Variants in IPO9 observed in about 807,000 individuals in gnomAD.
The protein encoded by IPO9 is importin-9.
A neutral mutation model predicts 128.6 loss-of-function variants in IPO9; 28 were observed. The ratio of observed to expected loss-of-function variants is 0.22; its 90% CI spans 0.16 to 0.30. The LOEUF is 0.30. IPO9 is among the 10% of genes least tolerant of loss of function. IPO9 has a pLI of 1.00. For synonymous variants in IPO9, 455 were observed against 475.8 expected (o/e 0.96, Z 0.57); for missense variants, 935 against 1,293.9 (o/e 0.72, Z 4.26).
chr1:201,856,451 T>C (rs997305355), intron 10 of IPO9, among the ~76,000 whole-genome samples: 1 of 152,116 alleles, frequency 6.6e-6, no homozygotes, highest in African/African-American at 2.4e-5. Flanking sequence ...GCACAAGAAT[T>C]GACATAATTT....
Position 201,880,073 on chromosome 1 carries a change from TGTG to T in IPO9, c.*4023_*4025del, listed in dbSNP as rs1680857189. ...AGTTTATTATGCCAGGAGGGCCAGG[TGTG>T]GTGCCACACCCATGTAATCCCAGCA... is the stretch of plus-strand genomic sequence containing the variant. On this transcript the variant is annotated 3_prime_UTR_variant, in exon 24 of 24. Transcript: ENST00000361565. 1 of 152,152 alleles carries T rather than the reference TGTG, an allele frequency of 6.6e-6. No individual in the cohort carries two copies. Among genetic ancestry groups the T allele is most frequent in the African/African-American group, 2.4e-5 (1 of 41,408 alleles). 9.4% of individuals were successfully genotyped at this position (152,152 alleles called of 1,614,324 possible). A position where few individuals can be genotyped will look rare whatever the true frequency, so the allele number is the denominator to read the frequency against.
At chr1:201,830,336 C>A (rs1030880732) in intron 1 of IPO9, among the ~76,000 whole-genome samples, 2 of 152,208 alleles carry the variant, frequency 1.3e-5, no homozygotes, top group African/African-American at 4.8e-5. Flanking sequence ...CCATCACACA[C>A]CCATCATATT....
intron 12 of IPO9, 96 bp downstream of exon 12, chr1:201,858,649 C>A: frequency 1.1e-6 from 1 of 889,300 alleles, no homozygotes. Context: ...ATTTGAAAAT[C>A]TGGTTTTAAT....
intron 18 of IPO9, 100 bp from the exon 19 acceptor site, chr1:201,871,061 C>G (rs1188645554): frequency 7.7e-7 from 1 of 1,301,342 alleles, no homozygotes; most frequent in East Asian, 2.3e-5. Flanking sequence ...ATAATACCCT[C>G]AGTGTAGACT....
At chr1:201,833,977 G>A (rs1026860077) in intron 1 of IPO9, among the ~76,000 whole-genome samples, 1 of 151,812 alleles carries the variant, frequency 6.6e-6, no homozygotes, top group Non-Finnish European at 1.5e-5. Flanking sequence ...TCTGGAGATG[G>A]GGTCTTGCTG....
Position 201,834,492 on chromosome 1 carries a change from T to A in IPO9, c.163+5120T>A, listed in dbSNP as rs965251114. Among the ~76,000 whole-genome samples, 6 of 152,172 alleles carry A rather than the reference T, an allele frequency of 3.9e-5. No individual in the cohort carries two copies. In the South Asian group the frequency reaches 8.3e-4, roughly 21 times the overall value. On this transcript the variant is annotated intron_variant, in intron 1 of 23. Transcript: ENST00000361565. ...GGTGTATTCGTGCTTTATTTTTTTATATCTTAAAATGAAGTTCTTTCCCTC... is the reference window on the plus strand; with the variant it reads ...GGTGTATTCGTGCTTTATTTTTTTAAATCTTAAAATGAAGTTCTTTCCCTC...
At chr1:201,834,207 C>CTTTTTTT in intron 1 of IPO9, among the ~76,000 whole-genome samples, 1 of 111,290 alleles carries the variant, frequency 9.0e-6, no homozygotes, top group Non-Finnish European at 2.0e-5. Context: ...CTTTTCTTTT[C>CTTTTTTT]TTTTTTTTTT....
chr1:201,829,261 G>A lies in IPO9; in HGVS notation c.52G>A (p.Ala18Thr). 1 of 1,592,898 alleles carries A rather than the reference G, an allele frequency of 6.3e-7. No individual in the cohort carries two copies. Residue 18 changes from alanine to threonine, a missense_variant, in exon 1 of 24, where the codon GCA becomes ACA. Ala to Thr is a moderately conservative substitution (Grantham distance 58). Transcript: ENST00000361565. ...GAASGLPGPVAQGLKEALVDT... is the reference protein window; with the variant it reads ...GAASGLPGPVTQGLKEALVDT... ...GGCCTCCGGGCTGCCGGGTCCAGTG[G>A]CACAAGGATTAAAGGAAGCGTTAGT...
Position 201,857,115 on chromosome 1 carries a change from A to G in IPO9, c.1142A>G (p.Asn381Ser). ...TTTCAGATTAAAGTATGGACAGCCA[A>G]CCCCCAACAATTTGTAGAAGATGAA... ...TEEQIKVWTA[N>S]PQQFVEDEDD... Residue 381 changes from asparagine to serine, a missense_variant, in exon 11 of 24, where the codon AAC becomes AGC. Asn to Ser is a conservative substitution (Grantham distance 46, BLOSUM62 1). This residue lies in a region of IPO9 where 741 missense variants were observed against 1,019.1 expected (regional missense o/e 0.73). Coordinates refer to ENST00000361565, the MANE Select transcript of IPO9 (RefSeq NM_018085.5). The G allele has an allele frequency of 1.2e-6, 2 of 1,611,226 alleles. No homozygotes were observed. The highest frequency in any genetic ancestry group is 1.7e-4 in the Middle Eastern group (1 of 6,052).
At chr1:201,859,413 A>G (rs773701498) in intron 13 of IPO9, among the ~76,000 whole-genome samples, 1 of 151,724 alleles carries the variant, frequency 6.6e-6, no homozygotes, top group South Asian at 2.1e-4. Flanking sequence ...CGTGATGTTT[A>G]TGTTTCTTCC....
intron 15 of IPO9, 103 bp downstream of exon 15, chr1:201,867,062 T>A (rs1272139916): frequency 1.0e-6 from 1 of 962,244 alleles, no homozygotes; most frequent in Non-Finnish European, 1.6e-6. Context: ...GCTATGAAGC[T>A]ATGGTTTTAA....
At chr1:201,859,402 C>T (rs1680398660) in intron 13 of IPO9, among the ~76,000 whole-genome samples, 1 of 151,782 alleles carries the variant, frequency 6.6e-6, no homozygotes. Flanking sequence ...CATAATTCTT[C>T]CGTGATGTTT....
Position 201,883,657 on chromosome 1 carries a change from C to T in IPO9, c.*7603C>T, listed in dbSNP as rs1337518823. ...CTCAATGTTTTGCACTGTGTGAGAC[C>T]CCAGGACCTTTTCGTGATTCTGGAG... On this transcript the variant is annotated 3_prime_UTR_variant, in exon 24 of 24. Transcript: ENST00000361565. 1 of 152,052 alleles carries T rather than the reference C, an allele frequency of 6.6e-6. No homozygotes were observed. Among genetic ancestry groups the T allele is most frequent in the Non-Finnish European group, 1.5e-5 (1 of 68,046 alleles). The allele number at this position is 152,052 out of a possible 1,614,324, so 9.4% of individuals were successfully genotyped here.
chr1:201,847,674 T>C (rs752146968), intron 3 of IPO9, 36 bp downstream of exon 3: 13 of 1,386,508 alleles, frequency 9.4e-6, no homozygotes, highest in Non-Finnish European at 1.3e-5. Flanking sequence ...CCTGAGGAGA[T>C]TTGAGGGTCC....
chr1:201,834,151 T>C (rs1679883120), intron 1 of IPO9, among the ~76,000 whole-genome samples: 1 of 151,280 alleles, frequency 6.6e-6, no homozygotes, highest in Non-Finnish European at 1.5e-5. Flanking sequence ...CTAAATAGGG[T>C]AAAAAAAATT....
In IPO9 at chr1:201,870,288, A is replaced by G. The variant is rs1179012003; in HGVS notation, c.2134-295A>G. On this transcript the variant is annotated intron_variant, in intron 17 of 23. Transcript: ENST00000361565. This position sits in a 1 kb window ranked among gnomAD's most constrained non-coding sequence, Gnocchi z 4.9. The stretch of plus-strand genomic sequence containing the variant: ...TGTAAGCATATTTTTTTAGTACCAG[A>G]GGTAGACCTTTATGATTAAAATTCA... 6.6e-6 allele frequency among the ~76,000 whole-genome samples: 1 copy of G among 152,140 alleles called. No individual in the cohort carries two copies. The highest frequency in any genetic ancestry group is 1.5e-5 in the Non-Finnish European group (1 of 68,032).
In IPO9 at chr1:201,847,272, C is replaced by G. The variant is rs371636242; in HGVS notation, c.164-7C>G. 3.1e-5 allele frequency: 50 copies of G among 1,612,484 alleles called. No individual in the cohort carries two copies. Among genetic ancestry groups the G allele is most frequent in the Non-Finnish European group, 4.2e-5 (49 of 1,178,718 alleles). ...ACTCTTAGACTCAATAAAATTTTCT[C>G]TTTCAGAATTTGGTGTTCACTTGGC... On this transcript the variant is annotated splice_polypyrimidine_tract_variant and splice_region_variant and intron_variant, in intron 1 of 23. Transcript: ENST00000361565.
At chr1:201,857,520 G>T (rs1216491967) in intron 11 of IPO9, among the ~76,000 whole-genome samples, 1 of 152,146 alleles carries the variant, frequency 6.6e-6, no homozygotes, top group African/African-American at 2.4e-5. Flanking sequence ...TTATGGCTGG[G>T]CGTGGTGACT....
rs370629762 is a variant in IPO9, at chr1:201,864,063, C to T, written c.1628+456C>T. Among the ~76,000 whole-genome samples, 7 of 152,274 alleles carry T rather than the reference C, an allele frequency of 4.6e-5. No homozygotes were observed. In the East Asian group the frequency reaches 1.2e-3, roughly 25 times the overall value. On this transcript the variant is annotated intron_variant, in intron 14 of 23. Transcript: ENST00000361565. ...CCTATCTTTTTTAAGGCTAGTGTTA[C>T]TAATGGATCAAAAGTCATTTATTTA...
Sources: gnomAD v4.1 joint callset for allele counts (sites outside exome capture counted in the v4.1 genomes callset) on GRCh38, gnomAD v4.1.1 for gene constraint, gnomAD v4.1.1 regional missense constraint, Gnocchi (gnomAD v3.1) non-coding constraint, MANE v1.5 for transcripts, NCBI Gene and HGNC (gene_info 2026-07-23, HGNC 2026-07-21) for gene names.